Variants in EFR3B observed in about 807,000 individuals in gnomAD.
EFR3B encodes the protein protein EFR3 homolog B.
Under a neutral mutation model 104.7 loss-of-function variants are expected in EFR3B, and 64 were observed. That is an observed-to-expected ratio of 0.61 (90% CI 0.50 to 0.75). The LOEUF is 0.75. Among genes scored for constraint, EFR3B ranks in the 30% least tolerant of loss-of-function variants. EFR3B has a pLI of 0.00. For missense variants in EFR3B, 750 were observed against 1,078.5 expected (o/e 0.70, Z 4.27); for synonymous variants, 385 against 417.9 (o/e 0.92, Z 0.96).
Position 25,091,379 on chromosome 2 carries a change from A to T in EFR3B, c.62A>T (p.Asn21Ile). 6.5e-7 allele frequency: 1 copy of T among 1,550,162 alleles called. No individual in the cohort carries two copies. The highest frequency in any genetic ancestry group is 8.7e-7 in the Non-Finnish European group (1 of 1,146,402). ...CCCAGGTACAAAAGGCTGGTTGACA[A>T]CATCTTCCCTGAGGATCCCGAGGTG... is the stretch of plus-strand genomic sequence containing the variant. ...LRPRYKRLVD[N>I]IFPEDPEDGL... Residue 21 changes from asparagine to isoleucine, a missense_variant, in exon 2 of 23, where the codon AAC becomes ATC. Transcript: ENST00000403714.
intron 4 of EFR3B, among the ~76,000 whole-genome samples, chr2:25,120,981 A>C (rs1460783903): frequency 1.3e-5 from 2 of 151,078 alleles, no homozygotes; most frequent in African/African-American, 2.4e-5. Context: ...GGCTCACTAC[A>C]ACCTCCACCT....
chr2:25,045,415 T>C (rs751183234), intron 1 of EFR3B, among the ~76,000 whole-genome samples: 1 of 152,190 alleles, frequency 6.6e-6, no homozygotes, highest in Non-Finnish European at 1.5e-5. Flanking sequence ...GAAAGCATTT[T>C]TACTGGGGTG....
chr2:25,103,603 C>T (rs527647427), intron 3 of EFR3B, 34 bp from the exon 4 acceptor site: 24 of 1,533,928 alleles, frequency 1.6e-5, no homozygotes, highest in East Asian at 9.9e-5. Flanking sequence ...GTGGCAGGGG[C>T]GCGGCCAGTG....
intron 2 of EFR3B, among the ~76,000 whole-genome samples, 184 bp from the exon 3 acceptor site, chr2:25,092,819 C>T (rs1041914995): frequency 2.6e-5 from 4 of 152,240 alleles, no homozygotes; most frequent in African/African-American, 4.8e-5. Context: ...GGATTATAGG[C>T]GTGAGCCTAT....
rs1020384386 is a variant in EFR3B, at chr2:25,042,893, C to T, written c.7+574C>T. Among the ~76,000 whole-genome samples, 2 of 152,132 alleles carry T rather than the reference C, an allele frequency of 1.3e-5. No individual in the cohort carries two copies. The highest frequency in any genetic ancestry group is 2.9e-5 in the Non-Finnish European group (2 of 68,024). Reference sequence around the variant, plus strand: ...TTCACCAACTTCCAGATTTTCCCTCCGCAGTGATGAAGGGAGGAGACGCTG... The same window carrying T: ...TTCACCAACTTCCAGATTTTCCCTCTGCAGTGATGAAGGGAGGAGACGCTG... On this transcript the variant is annotated intron_variant, in intron 1 of 22. Coordinates refer to ENST00000403714, the MANE Select transcript of EFR3B (RefSeq NM_014971.2). The surrounding 1 kb of genome is among the most constrained non-coding windows in gnomAD (Gnocchi z 5.4).
intron 5 of EFR3B, among the ~76,000 whole-genome samples, chr2:25,127,847 G>A (rs1255072128): frequency 3.3e-5 from 5 of 152,154 alleles, no homozygotes; most frequent in African/African-American, 4.8e-5. Context: ...TCTTGGCAGC[G>A]TTTTGAGCTC....
intron 5 of EFR3B, among the ~76,000 whole-genome samples, chr2:25,127,803 A>G (rs1306201053): frequency 6.6e-6 from 1 of 152,166 alleles, no homozygotes; most frequent in Non-Finnish European, 1.5e-5. Flanking sequence ...TGCCCCCGCA[A>G]GTTGCTCACA....
intron 17 of EFR3B, 103 bp from the exon 18 acceptor site, chr2:25,143,632 C>T: frequency 1.4e-6 from 2 of 1,412,032 alleles, no homozygotes; most frequent in Non-Finnish European, 1.9e-6. Context: ...CACACTCCAG[C>T]CTGGGCGACA....
intron 16 of EFR3B, among the ~76,000 whole-genome samples, chr2:25,141,003 T>A (rs1163293327): frequency 7.0e-6 from 1 of 142,318 alleles, no homozygotes; most frequent in African/African-American, 2.6e-5. Context: ...ATTGTGCCAT[T>A]GCACTCTAGC....
intron 4 of EFR3B, among the ~76,000 whole-genome samples, chr2:25,119,234 C>T (rs1417481176): frequency 3.9e-5 from 6 of 152,156 alleles, no homozygotes; most frequent in Non-Finnish European, 8.8e-5. Context: ...AAAACCAAAA[C>T]ATAAAAAGAA....
At chr2:25,118,019 G>A (rs972421539) in intron 4 of EFR3B, among the ~76,000 whole-genome samples, 5 of 151,454 alleles carry the variant, frequency 3.3e-5, no homozygotes, top group Admixed American at 6.6e-5. Flanking sequence ...TCGTTCTGTC[G>A]CCCAGGCTGG....
chr2:25,090,025 C>T (rs190664367), intron 1 of EFR3B, among the ~76,000 whole-genome samples: 153 of 151,410 alleles, frequency 1.0e-3, no homozygotes, highest in African/African-American at 3.6e-3. Context: ...ATCAAAACTC[C>T]CAAAGAACTC....
chr2:25,042,468 C>G lies in EFR3B; in HGVS notation c.7+149C>G, dbSNP rs1667598664. The G allele has an allele frequency of 1.7e-6, 2 of 1,207,226 alleles. No homozygotes were observed. The highest frequency in any genetic ancestry group is 6.7e-5 in the East Asian group (2 of 29,844). 74.8% of individuals were successfully genotyped at this position (1,207,226 alleles called of 1,614,324 possible). A position where few individuals can be genotyped will look rare whatever the true frequency, so the allele number is the denominator to read the frequency against. On this transcript the variant is annotated intron_variant, in intron 1 of 22. Transcript: ENST00000403714. The surrounding 1 kb of genome is among the most constrained non-coding windows in gnomAD (Gnocchi z 5.4). ...GGGGCTGTTGCGGTCGCTCTGTGCGCGCGCGTCTGCGCTGCGAGGACAAAG... is the reference window on the plus strand; with the variant it reads ...GGGGCTGTTGCGGTCGCTCTGTGCGGGCGCGTCTGCGCTGCGAGGACAAAG...
At chr2:25,086,284 G>A (rs535188267) in intron 1 of EFR3B, among the ~76,000 whole-genome samples, 82 of 152,322 alleles carry the variant, frequency 5.4e-4, no homozygotes, top group African/African-American at 1.9e-3. Context: ...ATACCAAGGG[G>A]TGTGATTGCT....
chr2:25,139,323 T>C lies in EFR3B; in HGVS notation c.1854+133T>C, dbSNP rs1338840587. 12 of 1,148,570 alleles carry C rather than the reference T, an allele frequency of 1.0e-5. No individual in the cohort carries two copies. In the East Asian group the frequency reaches 1.7e-4, roughly 16 times the overall value. 71.1% of individuals were successfully genotyped at this position (1,148,570 alleles called of 1,614,324 possible). Reference sequence around the variant, plus strand: ...ACAGGGTTGAAGTAAGAACCACTAATGGTGAGAAGTTACTCGTGGCATCTT... The same window carrying C: ...ACAGGGTTGAAGTAAGAACCACTAACGGTGAGAAGTTACTCGTGGCATCTT... On this transcript the variant is annotated intron_variant, in intron 16 of 22. Transcript: ENST00000403714.
chr2:25,153,670 C>T (rs1223481690), intron 21 of EFR3B, 42 bp from the exon 22 acceptor site: 5 of 1,546,416 alleles, frequency 3.2e-6, no homozygotes, highest in African/African-American at 2.7e-5. Flanking sequence ...AGGTTCTGGA[C>T]CCCCCACCCC....
intron 3 of EFR3B, among the ~76,000 whole-genome samples, chr2:25,100,281 C>T (rs1033037484): frequency 2.6e-5 from 4 of 152,076 alleles, no homozygotes; most frequent in East Asian, 1.9e-4. Flanking sequence ...TAAAGAAGAA[C>T]GAATCTTTTA....
intron 1 of EFR3B, among the ~76,000 whole-genome samples, chr2:25,056,267 CT>C (rs1185072920): frequency 2.0e-5 from 3 of 152,190 alleles, no homozygotes; most frequent in African/African-American, 7.2e-5. Flanking sequence ...ACACAGCCCT[CT>C]GGCCTTCCTG....
intron 3 of EFR3B, among the ~76,000 whole-genome samples, chr2:25,102,366 T>C (rs1669450255): frequency 1.3e-5 from 2 of 152,158 alleles, no homozygotes; most frequent in South Asian, 4.1e-4. Flanking sequence ...CATGCTGCTA[T>C]GAAGAAATAC....
Sources: allele counts gnomAD v4.1 joint callset (sites outside exome capture counted in the v4.1 genomes callset), GRCh38; gene constraint gnomAD v4.1.1; non-coding constraint Gnocchi (gnomAD v3.1); transcripts MANE v1.5; gene names NCBI Gene and HGNC (gene_info 2026-07-23, HGNC 2026-07-21).